ABCC9: variants seen among roughly 807,000 people sequenced by gnomAD.
The protein encoded by ABCC9 is ATP-binding cassette sub-family C member 9.
In ABCC9, 95 loss-of-function variants were observed where a neutral mutation model predicts 188.3. The observed-to-expected ratio is 0.50, with a 90% CI of 0.43 to 0.60. The LOEUF (loss-of-function observed/expected upper bound fraction) is 0.60, where lower values mean the gene tolerates loss of function less well. Ranked by LOEUF, ABCC9 falls within the 20% of genes least tolerant of loss-of-function variation. The pLI, the probability that ABCC9 is intolerant of heterozygous loss-of-function variation, is 0.00. For missense variants in ABCC9, 1,102 were observed against 1,876.3 expected (o/e 0.59, Z 7.62); for synonymous variants, 659 against 652.7 (o/e 1.01, Z -0.15).
intron 16 of ABCC9, among the ~76,000 whole-genome samples, 157 bp from the exon 17 acceptor site, chr12:21,875,883 G>A (rs1422704066): frequency 6.6e-6 from 1 of 152,080 alleles, no homozygotes; most frequent in Non-Finnish European, 1.5e-5. Context: ...AGGAGATCGA[G>A]ATCATCCTGG....
Position 21,872,685 on chromosome 12 carries a change from G to C in ABCC9, c.2138C>G (p.Ser713Cys), listed in dbSNP as rs1406965170. 1.2e-6 allele frequency: 2 copies of C among 1,613,864 alleles called. No individual in the cohort carries two copies. Among genetic ancestry groups the C allele is most frequent in the South Asian group, 2.2e-5 (2 of 91,080 alleles). ...IVGQVGCGKS[S>C]LLLAILGEMQ... ...CTCACCGAGGATGGCAAGGAGAAGA[G>C]AGGACTTCCCACATCCTACTTGGCC... Residue 713 changes from serine (S) to cysteine (C), a missense_variant, in exon 18 of 40, where the codon TCT (serine) becomes TGT (cysteine). Transcript: ENST00000261200.
chr12:21,811,520 G>A (rs907907159), intron 36 of ABCC9, among the ~76,000 whole-genome samples: 4 of 151,946 alleles, frequency 2.6e-5, no homozygotes, highest in Admixed American at 6.6e-5. Context: ...CTAGAGTAAC[G>A]GTTTGAGAAT....
intron 37 of ABCC9, among the ~76,000 whole-genome samples, chr12:21,809,220 A>G (rs531653546): frequency 2.0e-5 from 3 of 152,290 alleles, no homozygotes; most frequent in African/African-American, 7.2e-5. Context: ...CAATAATCAC[A>G]TTCATGCTGT....
At chr12:21,933,023 AC>A (rs1949349337) in intron 4 of ABCC9, among the ~76,000 whole-genome samples, 1 of 71,420 alleles carries the variant, frequency 1.4e-5, no homozygotes, top group Admixed American at 1.5e-4. Flanking sequence ...AAAATGTGGT[AC>A]ATATACACTA....
rs1555103539 is a variant in ABCC9, at chr12:21,887,932, A to G, written c.1805T>C (p.Val602Ala). 6.2e-7 allele frequency: 1 copy of G among 1,609,586 alleles called. No homozygotes were observed. The highest frequency in any genetic ancestry group is 1.3e-5 in the African/African-American group (1 of 74,808). ...CAAGAGAAACTCATTCAGCTTTTGA[A>G]CACTGCAAAAAACAATAAACACAGA... ...VRFAVKAIISVQKLNEFLLSD... is the reference protein window; with the variant it reads ...VRFAVKAIISAQKLNEFLLSD... Residue 602 changes from valine to alanine, a missense_variant and splice_region_variant, in exon 15 of 40, where the codon GTT (valine) becomes GCT (alanine). This residue lies in a region of ABCC9 where 258 missense variants were observed against 325.6 expected (regional missense o/e 0.79). Coordinates refer to ENST00000261200, the MANE Select transcript of ABCC9 (RefSeq NM_020297.4).
At chr12:21,829,189 T>TTA in intron 30 of ABCC9, 129 bp from the exon 31 acceptor site, 1 of 516,382 alleles carries the variant, frequency 1.9e-6, no homozygotes, top group Non-Finnish European at 3.4e-6. Flanking sequence ...GTAAATAGAT[T>TTA]TCTTTTTTTT....
chr12:21,904,165 A>G, intron 12 of ABCC9, among the ~76,000 whole-genome samples: 1 of 28,114 alleles, frequency 3.6e-5, no homozygotes, highest in South Asian at 2.0e-3. Flanking sequence ...CCTGACAAAA[A>G]CAAGAAATGG....
intron 22 of ABCC9, among the ~76,000 whole-genome samples, chr12:21,856,821 G>A (rs894305471): frequency 6.6e-6 from 1 of 152,076 alleles, no homozygotes; most frequent in African/African-American, 2.4e-5. Context: ...GAGAGAAAAG[G>A]AAAATACAGC....
intron 7 of ABCC9, among the ~76,000 whole-genome samples, chr12:21,914,321 T>C (rs946256906): frequency 3.9e-5 from 6 of 152,186 alleles, no homozygotes; most frequent in Non-Finnish European, 7.3e-5. Flanking sequence ...CATGCATGAC[T>C]ATTTAGAATG....
intron 18 of ABCC9, among the ~76,000 whole-genome samples, chr12:21,872,388 T>C (rs1340594034): frequency 6.6e-6 from 1 of 152,210 alleles, no homozygotes; most frequent in Non-Finnish European, 1.5e-5. Context: ...ATCCCATCCT[T>C]ACTTTTGTCT....
At chr12:21,914,977 C>T (rs1013923831) in intron 7 of ABCC9, among the ~76,000 whole-genome samples, 13 of 150,780 alleles carry the variant, frequency 8.6e-5, no homozygotes, top group African/African-American at 3.2e-4. Flanking sequence ...CTCGGCTCAC[C>T]ACAACTTTCG....
At chr12:21,834,806 C>T (rs912214864) in intron 30 of ABCC9, among the ~76,000 whole-genome samples, 23 of 151,440 alleles carry the variant, frequency 1.5e-4, no homozygotes, top group Admixed American at 6.6e-4. Flanking sequence ...CACACACACA[C>T]ACACACACAC....
At chr12:21,821,988 C>T (rs1033961843) in intron 31 of ABCC9, among the ~76,000 whole-genome samples, 2 of 152,052 alleles carry the variant, frequency 1.3e-5, no homozygotes, top group Non-Finnish European at 2.9e-5. Flanking sequence ...TCCAAATATG[C>T]TCAAATTCAT....
At chr12:21,839,162 T>TA (rs1482925529) in intron 29 of ABCC9, among the ~76,000 whole-genome samples, 3 of 152,154 alleles carry the variant, frequency 2.0e-5, no homozygotes, top group Non-Finnish European at 2.9e-5. Flanking sequence ...AAGAGGTTTT[T>TA]AAAAAAATGT....
chr12:21,925,869 A>G (rs946454681), intron 5 of ABCC9, 73 bp downstream of exon 5: 1 of 1,509,518 alleles, frequency 6.6e-7, no homozygotes, highest in Non-Finnish European at 9.2e-7. Context: ...CCCTGAGGAA[A>G]AAGAAAAATA....
At position 21,928,471 on chromosome 12, in the gene ABCC9, A is replaced by G. The variant is rs190086336; in HGVS notation, c.285-2408T>C. On this transcript the variant is annotated intron_variant, in intron 4 of 39. Transcript: ENST00000261200. ...AAGGGAGGGAGGAAGAAAGGAAGGA[A>G]GGAAGGAAGGAAACCAAAATTCACT... 1.8e-3 allele frequency among the ~76,000 whole-genome samples: 277 copies of G among 152,026 alleles called. 3 individuals are homozygous for G. Among genetic ancestry groups the G allele is most frequent in the African/African-American group, 6.3e-3 (261 of 41,466 alleles).
At chr12:21,883,092 A>G (rs544456145) in intron 15 of ABCC9, among the ~76,000 whole-genome samples, 1 of 152,350 alleles carries the variant, frequency 6.6e-6, no homozygotes, top group Admixed American at 6.5e-5. Context: ...AAATATGAAA[A>G]TAGGATACTT....
chr12:21,902,286 A>G (rs2137805640), intron 12 of ABCC9, among the ~76,000 whole-genome samples: 1 of 152,342 alleles, frequency 6.6e-6, no homozygotes, highest in South Asian at 2.1e-4. Flanking sequence ...TCTCTGGGAC[A>G]CATTTAAAGC....
chr12:21,842,730 ATAT>A (rs1206025903), intron 28 of ABCC9, among the ~76,000 whole-genome samples: 1 of 152,184 alleles, frequency 6.6e-6, no homozygotes, highest in Non-Finnish European at 1.5e-5. Flanking sequence ...TGTACTATAA[ATAT>A]TATTCATTCA....
Sources: gnomAD v4.1 joint callset for allele counts (sites outside exome capture counted in the v4.1 genomes callset) on GRCh38, gnomAD v4.1.1 for gene constraint, gnomAD v4.1.1 regional missense constraint, MANE v1.5 for transcripts, NCBI Gene and HGNC (gene_info 2026-07-23, HGNC 2026-07-21) for gene names.